DENND5A: variants seen among roughly 807,000 people sequenced by gnomAD.
DENND5A encodes DENN domain-containing protein 5A.
In DENND5A, 64 loss-of-function variants were observed where a neutral mutation model predicts 140.3. The ratio of observed to expected loss-of-function variants is 0.46; its 90% CI spans 0.37 to 0.56. The LOEUF (loss-of-function observed/expected upper bound fraction) is 0.56, where lower values mean the gene tolerates loss of function less well. Among genes scored for constraint, DENND5A ranks in the 20% least tolerant of loss-of-function variants. The probability of loss-of-function intolerance (pLI) is 0.00; values close to 1 mark genes in which losing one functional copy is unlikely to be tolerated. For missense variants in DENND5A, 1,292 were observed against 1,593.8 expected, an observed-to-expected ratio of 0.81 and a Z score of 3.22; for synonymous variants, 605 against 607.7, an observed-to-expected ratio of 1.00 and a Z score of 0.07.
At chr11:9,252,798 T>C (rs1398854877) in intron 1 of DENND5A, among the ~76,000 whole-genome samples, 3 of 151,926 alleles carry the variant, frequency 2.0e-5, no homozygotes, top group Admixed American at 2.0e-4. Context: ...CCCAGGTTCC[T>C]AAGAGACCTC....
chr11:9,214,897 T>C (rs1323406438), intron 1 of DENND5A, among the ~76,000 whole-genome samples: 2 of 152,092 alleles, frequency 1.3e-5, no homozygotes, highest in African/African-American at 4.8e-5. Context: ...CTAATCTTTC[T>C]ATTTTTAGTA....
At chr11:9,144,902 A>G in intron 18 of DENND5A, 93 bp downstream of exon 18, 2 of 884,376 alleles carry the variant, frequency 2.3e-6, no homozygotes, top group Admixed American at 3.6e-5. Context: ...CACAACCTAA[A>G]GGGTCTCCTT....
In DENND5A at chr11:9,169,859, C is replaced by A. The variant is rs1177930656; in HGVS notation, c.2148G>T (p.Arg716Ser). 7 of 1,598,556 alleles carry A rather than the reference C, an allele frequency of 4.4e-6. No individual in the cohort carries two copies. Among genetic ancestry groups the A allele is most frequent in the Non-Finnish European group, 6.0e-6 (7 of 1,165,902 alleles). Reference protein sequence around the residue: ...TEHLRLDNDQREKYIQEARTM... With the variant: ...TEHLRLDNDQSEKYIQEARTM... ...TATCATTCTTAAGGTATCTTACCTC[C>A]CTCTGGTCATTATCTAAACGCAGGT... is the stretch of plus-strand genomic sequence containing the variant. The change falls in exon 10 of 23, where the codon AGG becomes AGT. Residue 716 changes from arginine to serine, a missense_variant. Transcript: ENST00000328194.
chr11:9,218,449 A>G (rs548000656), intron 1 of DENND5A, among the ~76,000 whole-genome samples: 3 of 152,144 alleles, frequency 2.0e-5, no homozygotes, highest in Non-Finnish European at 4.4e-5. Context: ...GGCTCAGCTC[A>G]TGCTTAGGCG....
chr11:9,247,832 G>A (rs911966061), intron 1 of DENND5A, among the ~76,000 whole-genome samples: 22 of 152,146 alleles, frequency 1.4e-4, no homozygotes, highest in Non-Finnish European at 5.9e-5. Context: ...ATTCTCTACA[G>A]ACTCAAATTT....
At chr11:9,240,256 T>C (rs913833335) in intron 1 of DENND5A, among the ~76,000 whole-genome samples, 2 of 152,010 alleles carry the variant, frequency 1.3e-5, no homozygotes, top group Non-Finnish European at 2.9e-5. Context: ...TAACCAGGCG[T>C]TGTGGTGAGC....
intron 1 of DENND5A, among the ~76,000 whole-genome samples, chr11:9,257,630 C>T (rs143644382): frequency 0.022 from 3,291 of 146,674 alleles, 116 homozygotes; most frequent in African/African-American, 0.078. Context: ...TACAGGTGCC[C>T]GCCATCGCAC....
chr11:9,149,159 C>G (rs560053632), intron 15 of DENND5A, among the ~76,000 whole-genome samples: 1 of 152,258 alleles, frequency 6.6e-6, no homozygotes, highest in Non-Finnish European at 1.5e-5. Context: ...CAGTGGGTCC[C>G]ATGAATACAC....
At chr11:9,156,047 G>C (rs1847790985) in intron 12 of DENND5A, among the ~76,000 whole-genome samples, 1 of 152,188 alleles carries the variant, frequency 6.6e-6, no homozygotes, top group Admixed American at 6.5e-5. Flanking sequence ...TCACAATCTG[G>C]GTGTATGATA....
intron 1 of DENND5A, among the ~76,000 whole-genome samples, chr11:9,246,902 C>T (rs1307227076): frequency 1.3e-5 from 2 of 152,122 alleles, no homozygotes; most frequent in African/African-American, 4.8e-5. Flanking sequence ...TTGCCTGCAG[C>T]TCCTGCTTTC....
chr11:9,242,574 T>C (rs574498165), intron 1 of DENND5A: 3 of 152,280 alleles, frequency 2.0e-5, no homozygotes, highest in East Asian at 3.9e-4. Flanking sequence ...CTTTATAGTC[T>C]CGGGCATGTT....
intron 1 of DENND5A, 81 bp from the exon 2 acceptor site, chr11:9,207,713 TA>T: frequency 1.0e-6 from 1 of 989,796 alleles, no homozygotes. Context: ...CAGTACAAAT[TA>T]CATTTTACAT....
At chr11:9,157,531 T>C (rs1428648615) in intron 12 of DENND5A, among the ~76,000 whole-genome samples, 2 of 152,184 alleles carry the variant, frequency 1.3e-5, no homozygotes, top group Non-Finnish European at 2.9e-5. Flanking sequence ...CCCTTCTTTG[T>C]GTCCATGGGT....
At chr11:9,256,476 G>A (rs1206994186) in intron 1 of DENND5A, among the ~76,000 whole-genome samples, 1 of 151,896 alleles carries the variant, frequency 6.6e-6, no homozygotes, top group Non-Finnish European at 1.5e-5. Flanking sequence ...AAAAAAAGAA[G>A]AAAACAATCC....
At chr11:9,248,637 G>C (rs1040626176) in intron 1 of DENND5A, among the ~76,000 whole-genome samples, 1 of 151,864 alleles carries the variant, frequency 6.6e-6, no homozygotes, top group Non-Finnish European at 1.5e-5. Flanking sequence ...CTGGGCAAAA[G>C]AGAGGGGTAT....
At chr11:9,157,785 T>G (rs1192824428) in intron 12 of DENND5A, among the ~76,000 whole-genome samples, 2 of 152,218 alleles carry the variant, frequency 1.3e-5, no homozygotes. Flanking sequence ...AGTGCTGCAA[T>G]GAACATACAC....
intron 1 of DENND5A, among the ~76,000 whole-genome samples, chr11:9,243,105 C>CAAAAAAAAAAAAAAAAAAAA: frequency 8.9e-6 from 1 of 112,804 alleles, no homozygotes; most frequent in Non-Finnish European, 1.7e-5. Flanking sequence ...AAAAAAAAAA[C>CAAAAAAAAAAAAAAAAAAAA]AAAAAAAAAA....
At chr11:9,152,239 GA>G in intron 13 of DENND5A, 118 bp downstream of exon 13, 1 of 799,202 alleles carries the variant, frequency 1.3e-6, no homozygotes, top group Non-Finnish European at 2.2e-6. Context: ...ATTTAAAAGA[GA>G]AAACATTCCA....
chr11:9,192,605 G>C (rs1849170428), intron 5 of DENND5A, among the ~76,000 whole-genome samples: 2 of 150,332 alleles, frequency 1.3e-5, no homozygotes, highest in East Asian at 1.9e-4. Context: ...TCCAGCCTGG[G>C]TGACAGTGCG....
Sources: allele counts gnomAD v4.1 joint callset (sites outside exome capture counted in the v4.1 genomes callset), GRCh38; gene constraint gnomAD v4.1.1; transcripts MANE v1.5; gene names NCBI Gene and HGNC (gene_info 2026-07-23, HGNC 2026-07-21).